The following SNTG1 variants were observed in gnomAD, a reference collection of about 807,000 sequenced individuals.
SNTG1 encodes the protein syntrophin gamma 1.
Under a neutral mutation model 74.7 loss-of-function variants are expected in SNTG1, and 39 were observed. That is an observed-to-expected ratio of 0.52 (90% CI 0.40 to 0.68). The LOEUF (loss-of-function observed/expected upper bound fraction) is 0.68. Among genes scored for constraint, SNTG1 ranks in the 30% least tolerant of loss-of-function variants. The probability of loss-of-function intolerance (pLI) is 0.00; values close to 1 mark genes in which losing one functional copy is unlikely to be tolerated. For missense variants in SNTG1, 685 were observed against 609.5 expected (o/e 1.12, Z -1.30); for synonymous variants, 254 against 217.1 (o/e 1.17, Z -1.49).
chr8:50,350,168 A>G (rs2130994092), intron 2 of SNTG1, among the ~76,000 whole-genome samples: 1 of 152,078 alleles, frequency 6.6e-6, no homozygotes, highest in Admixed American at 6.5e-5. Context: ...AGGGCTCTGG[A>G]CCTGCAGCCC....
At chr8:50,603,110 A>AG (rs1286001798) in intron 13 of SNTG1, among the ~76,000 whole-genome samples, 1 of 152,006 alleles carries the variant, frequency 6.6e-6, no homozygotes, top group Non-Finnish European at 1.5e-5. Context: ...TTCCACTCTT[A>AG]TCTCTTTCTC....
At chr8:50,507,687 T>C (rs964190700) in intron 9 of SNTG1, among the ~76,000 whole-genome samples, 2 of 112,134 alleles carry the variant, frequency 1.8e-5, no homozygotes. Flanking sequence ...ATTTCATTTC[T>C]TTTTTTTTAA....
chr8:50,532,574 G>A (rs1050220941), intron 10 of SNTG1, among the ~76,000 whole-genome samples: 2 of 152,218 alleles, frequency 1.3e-5, no homozygotes, highest in Non-Finnish European at 2.9e-5. Context: ...TCGCACGGGA[G>A]CATTAACCTG....
chr8:50,367,663 C>A (rs2092152377), intron 2 of SNTG1, among the ~76,000 whole-genome samples: 1 of 152,060 alleles, frequency 6.6e-6, no homozygotes, highest in Non-Finnish European at 1.5e-5. Context: ...CTCATTCAAT[C>A]ATGAAACTGT....
At chr8:50,389,983 G>T (rs541038232) in intron 2 of SNTG1, among the ~76,000 whole-genome samples, 1 of 152,240 alleles carries the variant, frequency 6.6e-6, no homozygotes, top group African/African-American at 2.4e-5. Context: ...CTGGATATTA[G>T]CCCTTTGTCA....
chr8:50,716,544 A>G (rs1435850723), intron 17 of SNTG1, among the ~76,000 whole-genome samples: 2 of 152,070 alleles, frequency 1.3e-5, no homozygotes, highest in South Asian at 4.1e-4. Flanking sequence ...TGCAAAACGA[A>G]CTCAGACATT....
chr8:50,337,137 G>A (rs969630357), intron 2 of SNTG1, among the ~76,000 whole-genome samples: 3 of 152,160 alleles, frequency 2.0e-5, no homozygotes, highest in Non-Finnish European at 4.4e-5. Context: ...AAATGACTTG[G>A]CAGTTGTCAC....
At chr8:50,611,799 C>T (rs2094851833) in intron 13 of SNTG1, among the ~76,000 whole-genome samples, 2 of 152,154 alleles carry the variant, frequency 1.3e-5, no homozygotes, top group Non-Finnish European at 2.9e-5. Flanking sequence ...CAGGGTCTCA[C>T]TCTGTCACCC....
At chr8:50,044,695 T>C (rs950349437) in intron 1 of SNTG1, among the ~76,000 whole-genome samples, 1 of 152,212 alleles carries the variant, frequency 6.6e-6, no homozygotes, top group African/African-American at 2.4e-5. Flanking sequence ...GAATTTCTTC[T>C]TGTTTTCTCA....
rs780289764 is a variant in SNTG1, at chr8:50,657,040, G to A, written c.966+15G>A. The A allele has an allele frequency of 1.4e-6, 2 of 1,456,118 alleles. No homozygotes were observed. Among genetic ancestry groups the A allele is most frequent in the African/African-American group, 2.9e-5 (2 of 69,004 alleles). The allele number at this position is 1,456,118 out of a possible 1,614,324, so 90.2% of individuals were successfully genotyped here. ...TGGCACCTCCAGTACGTGTTTTATT[G>A]AAATGTATTGGTCGTTTCCATATTA... On this transcript the variant is annotated intron_variant, in intron 14 of 18. Coordinates refer to ENST00000642720, the MANE Select transcript of SNTG1 (RefSeq NM_018967.5).
chr8:50,030,825 C>T (rs759802530), intron 1 of SNTG1, among the ~76,000 whole-genome samples: 2 of 151,918 alleles, frequency 1.3e-5, no homozygotes, highest in Non-Finnish European at 2.9e-5. Flanking sequence ...ATTCTTAAAT[C>T]ATTGCCTGTC....
Position 50,051,267 on chromosome 8 carries a change from CACAA to C in SNTG1, c.-102-121285_-102-121282del, listed in dbSNP as rs752480453. Reference sequence around the variant, plus strand: ...ACACACACACACACACACACACACACACAAACAAACAAGAAGAAAACATTTAAAT... The same window carrying C: ...ACACACACACACACACACACACACACACAAACAAGAAGAAAACATTTAAAT... On this transcript the variant is annotated intron_variant, in intron 1 of 18. Transcript: ENST00000642720. Among the ~76,000 whole-genome samples the C allele has an allele frequency of 4.3e-3, 645 of 151,650 alleles. 4 individuals are homozygous for C. Among genetic ancestry groups the C allele is most frequent in the African/African-American group, 0.015 (618 of 41,342 alleles).
intron 1 of SNTG1, among the ~76,000 whole-genome samples, chr8:50,032,794 T>C (rs974036339): frequency 6.6e-6 from 1 of 152,058 alleles, no homozygotes; most frequent in Non-Finnish European, 1.5e-5. Flanking sequence ...ATACATATAT[T>C]TTTTTTCATG....
At chr8:50,701,618 C>CTTCTTCTTCTTCTTCTTCCTCTT (rs201341360) in intron 15 of SNTG1, among the ~76,000 whole-genome samples, 2 of 136,890 alleles carry the variant, frequency 1.5e-5, no homozygotes, top group Non-Finnish European at 3.0e-5. Flanking sequence ...TCTTCTTCTT[C>CTTCTTCTTCTTCTTCTTCCTCTT]GTGTTCCTCT....
At chr8:50,791,423 A>G (rs1285350104) in intron 18 of SNTG1, among the ~76,000 whole-genome samples, 1 of 151,890 alleles carries the variant, frequency 6.6e-6, no homozygotes, top group Admixed American at 6.6e-5. Flanking sequence ...GGAGCTACTG[A>G]GAAAGCATAG....
At chr8:50,519,293 G>A (rs940779741) in intron 9 of SNTG1, among the ~76,000 whole-genome samples, 1 of 152,234 alleles carries the variant, frequency 6.6e-6, no homozygotes, top group Admixed American at 6.5e-5. Context: ...AGGTATTGAT[G>A]GAATGTATCT....
chr8:50,620,499 CG>C (rs1356410539), intron 13 of SNTG1, among the ~76,000 whole-genome samples: 1 of 152,124 alleles, frequency 6.6e-6, no homozygotes, highest in East Asian at 1.9e-4. Flanking sequence ...ATGTGTCAGG[CG>C]TACTATTCTA....
At chr8:50,472,331 A>G (rs2093659935) in intron 8 of SNTG1, among the ~76,000 whole-genome samples, 1 of 152,214 alleles carries the variant, frequency 6.6e-6, no homozygotes. Context: ...TGGTAGTGAT[A>G]TAAAGACAGG....
chr8:50,660,492 A>C (rs1476043142), intron 15 of SNTG1, among the ~76,000 whole-genome samples: 1 of 148,466 alleles, frequency 6.7e-6, no homozygotes, highest in Non-Finnish European at 1.5e-5. Context: ...GGAGAAAGGA[A>C]AGAAGGAAGG....
Sources: gnomAD v4.1 joint callset for allele counts (sites outside exome capture counted in the v4.1 genomes callset) on GRCh38, gnomAD v4.1.1 for gene constraint, MANE v1.5 for transcripts, NCBI Gene and HGNC (gene_info 2026-07-23, HGNC 2026-07-21) for gene names.